GAP43: variants seen among roughly 807,000 people sequenced by gnomAD.
GAP43 encodes the protein growth associated protein 43.
GAP43 carries 6 observed loss-of-function variants against 18.6 expected under a neutral mutation model. The observed-to-expected ratio is 0.32, with a 90% CI of 0.18 to 0.64. The LOEUF (loss-of-function observed/expected upper bound fraction) is 0.64. Ranked by LOEUF, GAP43 falls within the 30% of genes least tolerant of loss-of-function variation. The pLI is 0.78. For synonymous variants in GAP43, 115 were observed against 111.4 expected (o/e 1.03, Z -0.20); for missense variants, 292 against 295.5 (o/e 0.99, Z 0.09).
At chr3:115,682,955 G>A (rs1708974721) in intron 2 of GAP43, among the ~76,000 whole-genome samples, 1 of 151,976 alleles carries the variant, frequency 6.6e-6, no homozygotes, top group African/African-American at 2.4e-5. Context: ...TTATTAAATT[G>A]TTACTGTCAC....
intron 1 of GAP43, among the ~76,000 whole-genome samples, chr3:115,663,139 TATG>T (rs940221991): frequency 6.6e-6 from 1 of 152,200 alleles, no homozygotes; most frequent in African/African-American, 2.4e-5. Flanking sequence ...GCATAAATAA[TATG>T]ATACTTTCTG....
intron 1 of GAP43, among the ~76,000 whole-genome samples, chr3:115,670,080 T>C (rs1435178179): frequency 2.2e-5 from 3 of 139,414 alleles, no homozygotes; most frequent in Non-Finnish European, 4.6e-5. Flanking sequence ...TGTGCCATGC[T>C]GGTGCGCTGC....
rs1402816724 is a variant in GAP43, at chr3:115,623,631, T to G, written c.-59T>G. The stretch of plus-strand genomic sequence containing the variant: ...AGAAAAGAGGTGGAGAGGGGGGGAA[T>G]AAGAAAGAGAGAGAAGGAAAGGAGA... On this transcript the variant is annotated 5_prime_UTR_variant, in exon 1 of 3. Coordinates refer to ENST00000305124, the MANE Select transcript of GAP43 (RefSeq NM_002045.4). The G allele has an allele frequency of 1.2e-6, 2 of 1,600,606 alleles. No individual in the cohort carries two copies. The highest frequency in any genetic ancestry group is 2.7e-5 in the African/African-American group (2 of 74,008).
chr3:115,667,128 A>T (rs555143028), intron 1 of GAP43, among the ~76,000 whole-genome samples: 1 of 151,446 alleles, frequency 6.6e-6, no homozygotes, highest in South Asian at 2.1e-4. Context: ...TAAAAATAAC[A>T]TTTTTTTTTA....
intron 1 of GAP43, among the ~76,000 whole-genome samples, chr3:115,660,797 G>A (rs1220387907): frequency 6.6e-6 from 1 of 152,190 alleles, no homozygotes; most frequent in Non-Finnish European, 1.5e-5. Flanking sequence ...TGCCCTTAGT[G>A]GTGCAGATGT....
intron 2 of GAP43, among the ~76,000 whole-genome samples, chr3:115,690,443 A>AT (rs1305172170): frequency 1.1e-4 from 16 of 152,196 alleles, no homozygotes; most frequent in Admixed American, 1.0e-3. Context: ...TGAACACCTC[A>AT]TAAAGAGACA....
intron 1 of GAP43, among the ~76,000 whole-genome samples, chr3:115,624,141 G>A (rs917295587): frequency 6.6e-6 from 1 of 152,042 alleles, no homozygotes; most frequent in Non-Finnish European, 1.5e-5. Context: ...ACTGAGTATT[G>A]CCTCTCTGTC....
intron 1 of GAP43, among the ~76,000 whole-genome samples, chr3:115,669,253 A>G (rs1708778894): frequency 6.6e-6 from 1 of 152,182 alleles, no homozygotes; most frequent in South Asian, 2.1e-4. Flanking sequence ...ACCTCTGCTT[A>G]CTAATTTCTA....
At chr3:115,652,863 C>T (rs1482978398) in intron 1 of GAP43, among the ~76,000 whole-genome samples, 1 of 152,176 alleles carries the variant, frequency 6.6e-6, no homozygotes, top group Non-Finnish European at 1.5e-5. Context: ...ATAGTAGCTA[C>T]TAAATGTACT....
At chr3:115,692,924 C>G (rs898966500) in intron 2 of GAP43, among the ~76,000 whole-genome samples, 1 of 152,156 alleles carries the variant, frequency 6.6e-6, no homozygotes, top group Non-Finnish European at 1.5e-5. Flanking sequence ...ACCAAAAAAT[C>G]AAAATTGATT....
chr3:115,623,592 G>A lies in GAP43; in HGVS notation c.-98G>A. The stretch of plus-strand genomic sequence containing the variant: ...AGAGCGCGCTAGCGCGAGAGAGCGA[G>A]TGAGCAAGCGAGCAGAAAAGAGGTG... On this transcript the variant is annotated 5_prime_UTR_variant, in exon 1 of 3. It adds an upstream start codon to the 5' untranslated region. Transcript: ENST00000305124. 3.3e-6 allele frequency: 5 copies of A among 1,500,498 alleles called. No homozygotes were observed. Among genetic ancestry groups the A allele is most frequent in the Non-Finnish European group, 4.6e-6 (5 of 1,082,608 alleles). 92.9% of individuals were successfully genotyped at this position (1,500,498 alleles called of 1,614,324 possible).
chr3:115,685,457 T>C (rs1559800946), intron 2 of GAP43, among the ~76,000 whole-genome samples: 4 of 152,220 alleles, frequency 2.6e-5, no homozygotes, highest in South Asian at 2.1e-4. Flanking sequence ...GTTGCTCCAC[T>C]GTAGGGTGAA....
chr3:115,634,288 G>A (rs891123112), intron 1 of GAP43, among the ~76,000 whole-genome samples: 1 of 152,136 alleles, frequency 6.6e-6, no homozygotes, highest in Admixed American at 6.5e-5. Flanking sequence ...CTGTGAGGAT[G>A]CATATCCTCT....
chr3:115,658,426 C>T (rs913714637), intron 1 of GAP43: 2 of 152,300 alleles, frequency 1.3e-5, no homozygotes, highest in Admixed American at 1.3e-4. Context: ...CTTTTCGCGT[C>T]TCATTTTCTG....
intron 2 of GAP43, among the ~76,000 whole-genome samples, chr3:115,692,568 C>T (rs572117742): frequency 2.4e-4 from 37 of 152,144 alleles, no homozygotes; most frequent in African/African-American, 8.4e-4. Context: ...TCAGAGACCA[C>T]GATAGTGGGT....
At chr3:115,688,063 C>T (rs532950795) in intron 2 of GAP43, among the ~76,000 whole-genome samples, 42 of 152,264 alleles carry the variant, frequency 2.8e-4, no homozygotes, top group African/African-American at 9.1e-4. Flanking sequence ...ATCACCCAGA[C>T]TGGAGTGCAG....
At chr3:115,633,604 GTAACCACACAGATAACTGAA>G (rs1250875126) in intron 1 of GAP43, among the ~76,000 whole-genome samples, 2 of 152,096 alleles carry the variant, frequency 1.3e-5, no homozygotes, top group Admixed American at 6.6e-5. Flanking sequence ...AAAGGAAGTA[GTAACCACACAGATAACTGAA>G]CCTATGAGCT....
At chr3:115,696,581 C>T (rs183147564) in intron 2 of GAP43, among the ~76,000 whole-genome samples, 1 of 121,986 alleles carries the variant, frequency 8.2e-6, no homozygotes, top group African/African-American at 3.2e-5. Flanking sequence ...CCCCACCGCC[C>T]CCCCCCCCCA....
chr3:115,701,207 G>A (rs1559805230), intron 2 of GAP43, among the ~76,000 whole-genome samples: 1 of 152,110 alleles, frequency 6.6e-6, no homozygotes, highest in African/African-American at 2.4e-5. Flanking sequence ...AGAATGATAT[G>A]TTAAGATATG....
Sources: gnomAD v4.1 joint callset for allele counts (sites outside exome capture counted in the v4.1 genomes callset) on GRCh38, gnomAD v4.1.1 for gene constraint, MANE v1.5 for transcripts, NCBI Gene and HGNC (gene_info 2026-07-23, HGNC 2026-07-21) for gene names.